SNURF: variants seen among roughly 807,000 people sequenced by gnomAD.
SNURF encodes the protein SNRPN upstream open reading frame.
A neutral mutation model predicts 11.6 loss-of-function variants in SNURF; 6 were observed. That is an observed-to-expected ratio of 0.52 (90% confidence interval 0.28 to 1.02). The LOEUF (loss-of-function observed/expected upper bound fraction) is 1.02, where lower values mean the gene tolerates loss of function less well. Ranked by LOEUF, SNURF falls within the 50% of genes least tolerant of loss-of-function variation. The pLI is 0.09. For synonymous variants in SNURF, 29 were observed against 31.6 expected, an observed-to-expected ratio of 0.92 and a Z score of 0.27; for missense variants, 84 against 88.4, an observed-to-expected ratio of 0.95 and a Z score of 0.20.
At chr15:24,977,935 C>G (rs372683782), downstream of SNURF, 14 of 1,537,002 alleles carry the variant, frequency 9.1e-6, no homozygotes, top group Non-Finnish European at 1.2e-5. Flanking sequence ...TTGGTGAACA[C>G]GAAGACGAAC....
At chr15:24,962,485 A>G (rs1566959684) in intron 2 of SNURF, among the ~76,000 whole-genome samples, 2 of 152,186 alleles carry the variant, frequency 1.3e-5, no homozygotes, top group African/African-American at 4.8e-5. Flanking sequence ...ACATAAGCAT[A>G]CTTAAATTTT....
intron 3 of SNURF, chr15:24,974,734 T>A (rs1330913888): frequency 1.6e-6 from 1 of 607,450 alleles, no homozygotes; most frequent in African/African-American, 1.9e-5. Flanking sequence ...TGCCTCAGCC[T>A]CTTTATTAGA....
At chr15:24,968,023 C>A (rs901569269) in exon 3 of SNURF, 2 of 1,613,790 alleles carry the variant, frequency 1.2e-6, no homozygotes, top group Non-Finnish European at 1.7e-6. Context: ...AGCTGAGACA[C>A]CAAGAGGTGG....
chr15:24,971,600 G>A (rs1306110876), downstream of SNURF, among the ~76,000 whole-genome samples: 3 of 151,972 alleles, frequency 2.0e-5, no homozygotes, highest in Non-Finnish European at 4.4e-5. Flanking sequence ...AGTTCTTTGG[G>A]CCATAACTCA....
chr15:24,974,943 A>G lies in SNURF; in HGVS notation c.*46-415A>G, dbSNP rs1022175223. ...CCAGTGGTGAAGGACTGTCCTGCAG[A>G]TGATGGACTCTCAGGTCAGATTACA... On this transcript the variant is annotated intron_variant and NMD_transcript_variant, in intron 3 of 6. Coordinates refer to the SNURF transcript ENST00000580062. The G allele has an allele frequency of 1.1e-5, 8 of 702,914 alleles. No individual in the cohort carries two copies. The African/African-American group carries it at 1.2e-4, about 11-fold the overall frequency. The allele number at this position is 702,914 out of a possible 1,614,324, so 43.5% of individuals were successfully genotyped here.
intron 2 of SNURF, among the ~76,000 whole-genome samples, chr15:24,966,275 T>C (rs1250800182): frequency 6.8e-6 from 1 of 147,772 alleles, no homozygotes; most frequent in East Asian, 1.9e-4. Context: ...GAAAGTGCTA[T>C]ACTTACTAGT....
chr15:24,974,353 T>C (rs1390594193), intron 3 of SNURF: 2 of 1,102,688 alleles, frequency 1.8e-6, no homozygotes, highest in East Asian at 2.3e-5. Context: ...TTGCATTGTT[T>C]CTAGGAGAAC....
chr15:24,976,790 A>G, intron 5 of SNURF: 1 of 1,211,778 alleles, frequency 8.3e-7, no homozygotes, highest in South Asian at 1.3e-5. Context: ...TCATGGGAAA[A>G]TGGTGGAGAG....
At chr15:24,958,536 T>C (rs1487618121) in intron 1 of SNURF, among the ~76,000 whole-genome samples, 2 of 136,396 alleles carry the variant, frequency 1.5e-5, no homozygotes, top group Non-Finnish European at 3.1e-5. Flanking sequence ...GACCAGGGTC[T>C]CCCTATGTTG....
chr15:24,973,783 CAT>C (rs1350359806), downstream of SNURF, among the ~76,000 whole-genome samples: 1 of 152,148 alleles, frequency 6.6e-6, no homozygotes, highest in African/African-American at 2.4e-5. Context: ...ATTCCATAGT[CAT>C]GTGTTCTCTT....
At chr15:24,978,457 C>G (rs376058438), downstream of SNURF, 1 of 1,611,560 alleles carries the variant, frequency 6.2e-7, no homozygotes, top group South Asian at 1.1e-5. Flanking sequence ...TACTGTTGAT[C>G]CATCTCAGTC....
Position 24,962,111 on chromosome 15 carries a change from C to G in SNURF, c.15-3C>G. 6.2e-7 allele frequency: 1 copy of G among 1,613,828 alleles called. No individual in the cohort carries two copies. Among genetic ancestry groups the G allele is most frequent in the Non-Finnish European group, 8.5e-7 (1 of 1,179,768 alleles). On this transcript the variant is annotated splice_region_variant and splice_polypyrimidine_tract_variant and intron_variant, in intron 1 of 2. Coordinates refer to ENST00000577949, the Ensembl canonical transcript of SNURF. Reference sequence around the variant, plus strand: ...AAACAAATGCCTCTCTTTTCTGTTTCAGGGATCGCTTACACCTGAGACGAA... The same window carrying G: ...AAACAAATGCCTCTCTTTTCTGTTTGAGGGATCGCTTACACCTGAGACGAA...
chr15:24,972,346 T>A (rs2076522277), downstream of SNURF, among the ~76,000 whole-genome samples: 1 of 152,092 alleles, frequency 6.6e-6, no homozygotes, highest in Admixed American at 6.5e-5. Context: ...TAAGATAATA[T>A]TCAAAACTTC....
chr15:24,978,444 G>A (rs2077313887), downstream of SNURF: 3 of 1,613,244 alleles, frequency 1.9e-6, no homozygotes, highest in Non-Finnish European at 2.5e-6. Context: ...CAAGACCTTA[G>A]CATACTGTTG....
At chr15:24,964,371 C>T (rs890668229) in intron 2 of SNURF, among the ~76,000 whole-genome samples, 17 of 152,062 alleles carry the variant, frequency 1.1e-4, no homozygotes, top group Admixed American at 1.0e-3. Flanking sequence ...GGATGGAGTG[C>T]AACCTCCGCC....
downstream of SNURF, among the ~76,000 whole-genome samples, chr15:24,973,086 G>C (rs149551820): frequency 1.3e-5 from 2 of 151,918 alleles, no homozygotes; most frequent in Non-Finnish European, 2.9e-5. Flanking sequence ...TAGGGTTTTC[G>C]CCATGTTGGC....
chr15:24,976,841 T>C (rs2077119227), intron 5 of SNURF: 2 of 1,587,234 alleles, frequency 1.3e-6, no homozygotes, highest in African/African-American at 1.4e-5. Context: ...AACTTGTAAA[T>C]TGTTTGATTT....
At chr15:24,977,741 T>C in intron 6 of SNURF, 1 of 1,547,548 alleles carries the variant, frequency 6.5e-7, no homozygotes, top group South Asian at 1.2e-5. Flanking sequence ...TGTGAAGGTT[T>C]GCATCGCTTT....
chr15:24,970,071 T>C (rs763476021), downstream of SNURF, among the ~76,000 whole-genome samples: 24 of 152,148 alleles, frequency 1.6e-4, no homozygotes, highest in Non-Finnish European at 2.8e-4. Flanking sequence ...CATAATGTCA[T>C]AGAAGGTGAT....
Sources: allele counts gnomAD v4.1 joint callset (sites outside exome capture counted in the v4.1 genomes callset), GRCh38; gene constraint gnomAD v4.1.1; transcripts MANE v1.5; gene names NCBI Gene and HGNC (gene_info 2026-07-23, HGNC 2026-07-21).